MATN2: variants seen among roughly 807,000 people sequenced by gnomAD.
The protein encoded by MATN2 is matrilin 2.
A neutral mutation model predicts 103.2 loss-of-function variants in MATN2; 69 were observed. The observed-to-expected ratio is 0.67, with a 90% CI of 0.55 to 0.82. MATN2 has a LOEUF of 0.82. Among genes scored for constraint, MATN2 ranks in the 40% least tolerant of loss-of-function variants. The probability of loss-of-function intolerance (pLI) is 0.00; values close to 1 mark genes in which losing one functional copy is unlikely to be tolerated. For synonymous variants in MATN2, 429 were observed against 450.2 expected, an observed-to-expected ratio of 0.95 and a Z score of 0.60; for missense variants, 1,023 against 1,211.5, an observed-to-expected ratio of 0.84 and a Z score of 2.31.
chr8:97,961,747 AG>A (rs1811324049), intron 5 of MATN2, among the ~76,000 whole-genome samples: 1 of 152,248 alleles, frequency 6.6e-6, no homozygotes, highest in Admixed American at 6.5e-5. Context: ...CTCCAGTAAA[AG>A]GAACACTTAT....
At chr8:98,010,754 C>A (rs1248760589) in intron 10 of MATN2, among the ~76,000 whole-genome samples, 3 of 152,088 alleles carry the variant, frequency 2.0e-5, no homozygotes, top group Non-Finnish European at 2.9e-5. Context: ...GGGACCCTCC[C>A]TTCTGCAAGC....
At chr8:97,897,331 T>G (rs1185155573) in intron 2 of MATN2, among the ~76,000 whole-genome samples, 2 of 152,244 alleles carry the variant, frequency 1.3e-5, no homozygotes, top group Admixed American at 6.5e-5. Context: ...ATGAGTAACA[T>G]CTGCAGAGAA....
At chr8:97,900,701 CG>C (rs1818949744) in intron 2 of MATN2, among the ~76,000 whole-genome samples, 1 of 152,124 alleles carries the variant, frequency 6.6e-6, no homozygotes. Context: ...TTTGGGAGGC[CG>C]AGGTGGGCGG....
rs139771790 is a variant in MATN2 at position 97,946,405 on chromosome 8, T to A, written c.835+4506T>A. ...GATTCCTTCTGCCTTTCAAAAAGTC[T>A]TCCCTGTCAAATACCATTATATGAG... On this transcript the variant is annotated intron_variant, in intron 4 of 18. Transcript: ENST00000254898. 3.0e-3 allele frequency among the ~76,000 whole-genome samples: 457 copies of A among 152,310 alleles called. 3 individuals are homozygous for A. The highest frequency in any genetic ancestry group is 0.011 in the African/African-American group (438 of 41,582).
Position 97,980,558 on chromosome 8 carries a change from C to CTTTTT in MATN2, c.1081+1570_1081+1574dup, listed in dbSNP as rs71570278. ...GCCTACTGCATAGCATTATTCTTTCCTTTTTTTTTTTTTTTTTTTTTTTTG... is the reference window on the plus strand; with the variant it reads ...GCCTACTGCATAGCATTATTCTTTCCTTTTTTTTTTTTTTTTTTTTTTTTTTTTTG... On this transcript the variant is annotated intron_variant, in intron 6 of 18. Transcript: ENST00000254898. Among the ~76,000 whole-genome samples the CTTTTT allele has an allele frequency of 1.1e-3, 108 of 94,078 alleles. 2 individuals are homozygous for CTTTTT. The highest frequency in any genetic ancestry group is 3.0e-3 in the African/African-American group (66 of 21,844). The allele number at this position is 94,078 out of a possible 152,430, so 61.7% of individuals were successfully genotyped here. A position where few individuals can be genotyped will look rare whatever the true frequency, so the allele number is the denominator to read the frequency against.
At chr8:97,905,166 T>G (rs1430509766) in intron 2 of MATN2, among the ~76,000 whole-genome samples, 2 of 152,238 alleles carry the variant, frequency 1.3e-5, no homozygotes, top group Non-Finnish European at 2.9e-5. Flanking sequence ...TTTTGATAAC[T>G]GCAGTTCAAA....
intron 2 of MATN2, among the ~76,000 whole-genome samples, chr8:97,902,015 G>C (rs1818998480): frequency 6.6e-6 from 1 of 151,748 alleles, no homozygotes; most frequent in Admixed American, 6.6e-5. Context: ...GTTTTAATAG[G>C]GAACATGTAT....
chr8:98,028,574 C>A (rs1000668415), intron 14 of MATN2, among the ~76,000 whole-genome samples: 4 of 151,810 alleles, frequency 2.6e-5, no homozygotes, highest in Non-Finnish European at 5.9e-5. Flanking sequence ...AGGTTGTGAA[C>A]TAGTTTGCTT....
chr8:97,987,870 A>G (rs1411341065), intron 6 of MATN2, among the ~76,000 whole-genome samples: 1 of 152,178 alleles, frequency 6.6e-6, no homozygotes, highest in African/African-American at 2.4e-5. Flanking sequence ...ATCAATAGAG[A>G]TAATTGGTAA....
chr8:97,902,585 C>T (rs1396430638), intron 2 of MATN2, among the ~76,000 whole-genome samples: 1 of 151,866 alleles, frequency 6.6e-6, no homozygotes, highest in African/African-American at 2.4e-5. Context: ...AAGCTCTTAG[C>T]AAAAATTCTG....
chr8:98,010,634 C>G (rs1340496232), intron 10 of MATN2, among the ~76,000 whole-genome samples: 1 of 152,150 alleles, frequency 6.6e-6, no homozygotes, highest in Non-Finnish European at 1.5e-5. Flanking sequence ...GAAGGTATTG[C>G]TGCCTGGAAA....
intron 2 of MATN2, among the ~76,000 whole-genome samples, chr8:97,900,050 C>T (rs1021495939): frequency 1.1e-4 from 16 of 152,210 alleles, no homozygotes; most frequent in African/African-American, 3.9e-4. Context: ...GACAGGAGTG[C>T]AATCTAACCA....
Position 97,978,999 on chromosome 8 carries a change from AC to A in MATN2, c.1073del (p.Thr358SerfsTer5), listed in dbSNP as rs1202698559. The A allele has an allele frequency of 5.0e-6, 8 of 1,610,954 alleles. No homozygotes were observed. The highest frequency in any genetic ancestry group is 1.7e-5 in the Admixed American group (1 of 59,358). On this transcript the variant is annotated frameshift_variant, in exon 6 of 19. Coordinates refer to ENST00000254898, the MANE Select transcript of MATN2 (RefSeq NM_002380.5). LOFTEE classifies it high-confidence loss of function. ...EGFALNPDKKTCTKIDYCASS... is the reference protein window; with the variant it reads ...EGFALNPDKKXCTKIDYCASS... ...ATTTGCTCTTAACCCAGATAAAAAA[AC>A]GTGCACAAGTAAGTTACACACACAT... is the stretch of plus-strand genomic sequence containing the variant.
chr8:97,873,824 C>T (rs1255364996), intron 1 of MATN2, among the ~76,000 whole-genome samples: 1 of 151,946 alleles, frequency 6.6e-6, no homozygotes, highest in Admixed American at 6.6e-5. Flanking sequence ...GACAGGGTCT[C>T]GCCATGTTGT....
At chr8:97,951,662 G>A (rs79606209) in intron 4 of MATN2, among the ~76,000 whole-genome samples, 3,227 of 152,158 alleles carry the variant, frequency 0.021, 126 homozygotes, top group African/African-American at 0.074. Flanking sequence ...CTCAAAAGGG[G>A]GTTTATATTA....
intron 3 of MATN2, among the ~76,000 whole-genome samples, chr8:97,934,478 A>T (rs1810307908): frequency 6.6e-6 from 1 of 152,268 alleles, no homozygotes; most frequent in Non-Finnish European, 1.5e-5. Context: ...TCCAAGTTGC[A>T]GATGACATCT....
intron 5 of MATN2, among the ~76,000 whole-genome samples, chr8:97,963,573 C>T (rs932015161): frequency 3.9e-5 from 6 of 152,128 alleles, no homozygotes; most frequent in African/African-American, 1.2e-4. Flanking sequence ...GAGCTACAAG[C>T]GTGGGAGGGT....
At chr8:98,033,732 G>C (rs1388732676) in intron 18 of MATN2, 73 bp downstream of exon 18, 6 of 1,015,100 alleles carry the variant, frequency 5.9e-6, no homozygotes, top group Admixed American at 2.2e-5. Flanking sequence ...ACTCTATGTA[G>C]GTTTTATCAA....
At chr8:97,955,860 G>A (rs769230478) in intron 4 of MATN2, among the ~76,000 whole-genome samples, 4 of 152,308 alleles carry the variant, frequency 2.6e-5, no homozygotes, top group Non-Finnish European at 4.4e-5. Context: ...GCTAGATACC[G>A]GGATGCAGTG....
Sources: gnomAD v4.1 joint callset for allele counts (sites outside exome capture counted in the v4.1 genomes callset) on GRCh38, gnomAD v4.1.1 for gene constraint, MANE v1.5 for transcripts, NCBI Gene and HGNC (gene_info 2026-07-23, HGNC 2026-07-21) for gene names.